ZNF787: variants seen among roughly 807,000 people sequenced by gnomAD.
ZNF787 encodes zinc finger protein 787, also known as TTF-I-interacting peptide 20.
In ZNF787, 7 loss-of-function variants were observed where a neutral mutation model predicts 16.9. The observed-to-expected ratio is 0.42, with a 90% confidence interval of 0.24 to 0.78. ZNF787 has a LOEUF of 0.78. ZNF787 is among the 30% of genes least tolerant of loss of function. The pLI, the probability that ZNF787 is intolerant of heterozygous loss-of-function variation, is 0.30. For missense variants in ZNF787, 551 were observed against 589.3 expected, an observed-to-expected ratio of 0.94 and a Z score of 0.67; for synonymous variants, 345 against 270.9, an observed-to-expected ratio of 1.27 and a Z score of -2.69.
chr19:56,111,629 C>T (rs568243206), intron 1 of ZNF787, among the ~76,000 whole-genome samples: 8 of 152,132 alleles, frequency 5.3e-5, no homozygotes, highest in Admixed American at 1.3e-4. Context: ...AGGGTCTGGT[C>T]GCTCTTCTAA....
rs511530 is a variant in ZNF787, at chr19:56,091,919, C to A, written c.80-2827G>T. 6.2e-3 allele frequency among the ~76,000 whole-genome samples: 873 copies of A among 141,934 alleles called. 5 individuals carry two copies. The highest frequency in any genetic ancestry group is 0.013 in the African/African-American group (467 of 35,392). 93.1% of individuals were successfully genotyped at this position (141,934 alleles called of 152,430 possible). A position where few individuals can be genotyped will look rare whatever the true frequency, so the allele number is the denominator to read the frequency against. On this transcript the variant is annotated intron_variant, in intron 2 of 2. Transcript: ENST00000610935. ...CTTGCCGCAGCCGCAGCCGCAGCCG[C>A]AGCCGAAGCCGAAGCCGAAGCCAAA...
At position 56,103,181 on chromosome 19, in the gene ZNF787, G is replaced by A. The variant is rs1197639925; in HGVS notation, c.37C>T (p.Leu13=). 1.3e-5 allele frequency: 20 copies of A among 1,583,406 alleles called. No homozygotes were observed. Among genetic ancestry groups the A allele is most frequent in the Non-Finnish European group, 1.7e-5 (20 of 1,163,900 alleles). The part of the protein sequence containing the change: ...LREEAWSPGP[L]DSEDQQMASH... ...GCCATCTGCTGGTCCTCAGAATCCA[G>A]CGGCCCCGGAGACCAGGCTTCTTCC... Residue 13 remains leucine, a synonymous_variant, in exon 2 of 3, where the codon CTG becomes TTG. Coordinates refer to ENST00000610935, the MANE Select transcript of ZNF787 (RefSeq NM_001002836.4).
chr19:56,088,097 C>T lies in ZNF787; in HGVS notation c.1075G>A (p.Gly359Arg). Residue 359 changes from glycine to arginine, a missense_variant, in exon 3 of 3, where the codon GGG (glycine) becomes AGG (arginine). Around this residue, in one of 4 missense-constraint regions of ZNF787, gnomAD observed 392 missense variants for 312.7 expected, o/e 1.25. Coordinates refer to ENST00000610935, the MANE Select transcript of ZNF787 (RefSeq NM_001002836.4). This position sits in a 1 kb window ranked among gnomAD's most constrained non-coding sequence, Gnocchi z 8.6. ...TCGTCGTCGTCGTCCTCCTCCTCCC[C>T]GCCCGCGCGGTAGTAGCTCTGTCCG... The part of the protein sequence containing the change: ...SCGQSYYRAG[G>R]EEEDDDDEAA... 11 of 1,521,000 alleles carry T rather than the reference C, an allele frequency of 7.2e-6. No homozygotes were observed. Among genetic ancestry groups the T allele is most frequent in the Non-Finnish European group, 8.8e-6 (10 of 1,142,056 alleles). The allele number at this position is 1,521,000 out of a possible 1,614,324, so 94.2% of individuals were successfully genotyped here.
At chr19:56,099,232 G>A (rs865883964) in intron 2 of ZNF787, among the ~76,000 whole-genome samples, 3 of 152,166 alleles carry the variant, frequency 2.0e-5, no homozygotes, top group Admixed American at 6.5e-5. Context: ...CCCTTCCTCC[G>A]TGAACGAAGC....
rs1261784821 is a variant in ZNF787, at chr19:56,114,773, T to A, written c.-11+6399A>T. On this transcript the variant is annotated intron_variant, in intron 1 of 2. Coordinates refer to ENST00000610935, the MANE Select transcript of ZNF787 (RefSeq NM_001002836.4). ...GGGCACAATGCTCCCTGAGGGCAGG[T>A]GCCAGGGGTGTCCAGCACCTGCTGC... Among the ~76,000 whole-genome samples, 3 of 151,850 alleles carry A rather than the reference T, an allele frequency of 2.0e-5. No individual in the cohort carries two copies. The East Asian group carries it at 5.9e-4, about 30-fold the overall frequency.
intron 1 of ZNF787, among the ~76,000 whole-genome samples, chr19:56,107,232 G>C (rs183197668): frequency 1.3e-5 from 2 of 152,338 alleles, no homozygotes; most frequent in Admixed American, 6.5e-5. Flanking sequence ...TCTCCGTGGG[G>C]AAGGGGAGAA....
At chr19:56,111,663 C>A (rs556134521) in intron 1 of ZNF787, among the ~76,000 whole-genome samples, 79 of 152,194 alleles carry the variant, frequency 5.2e-4, no homozygotes, top group African/African-American at 1.8e-3. Flanking sequence ...AGGAACTCCG[C>A]ACCGTGGCGA....
At chr19:56,093,494 G>A (rs1276920411) in intron 2 of ZNF787, among the ~76,000 whole-genome samples, 3 of 152,126 alleles carry the variant, frequency 2.0e-5, no homozygotes, top group African/African-American at 7.2e-5. Context: ...TTTCTCGGCT[G>A]CATCCCCTCC....
intron 1 of ZNF787, among the ~76,000 whole-genome samples, chr19:56,106,082 A>C: frequency 6.9e-6 from 1 of 145,854 alleles, no homozygotes; most frequent in Admixed American, 6.8e-5. Flanking sequence ...CACGGCAGTC[A>C]CCGCGCATTC....
At chr19:56,092,001 G>GAAGCCA (rs1568523521) in intron 2 of ZNF787, among the ~76,000 whole-genome samples, 9 of 147,736 alleles carry the variant, frequency 6.1e-5, no homozygotes, top group African/African-American at 2.3e-4. Context: ...AAGCCAAACG[G>GAAGCCA]AAGCCAAAGC....
At chr19:56,097,901 G>A (rs1985930668) in intron 2 of ZNF787, among the ~76,000 whole-genome samples, 1 of 152,122 alleles carries the variant, frequency 6.6e-6, no homozygotes, top group Non-Finnish European at 1.5e-5. Flanking sequence ...GGGGTGGGGA[G>A]GTTCAAACCT....
At chr19:56,093,920 T>G (rs921986744) in intron 2 of ZNF787, among the ~76,000 whole-genome samples, 2 of 152,248 alleles carry the variant, frequency 1.3e-5, no homozygotes, top group Admixed American at 1.3e-4. Flanking sequence ...TACTATCCGC[T>G]CTATTCTTTT....
chr19:56,117,682 C>A (rs2123433857), intron 1 of ZNF787, among the ~76,000 whole-genome samples: 1 of 152,372 alleles, frequency 6.6e-6, no homozygotes, highest in African/African-American at 2.4e-5. Context: ...GCAGGGGGAT[C>A]TGTGTCTTAC....
intron 2 of ZNF787, among the ~76,000 whole-genome samples, chr19:56,094,174 C>T (rs1433724116): frequency 1.3e-5 from 2 of 150,662 alleles, no homozygotes; most frequent in East Asian, 3.9e-4. Flanking sequence ...CAGGCATGAG[C>T]CATCATGCCC....
intron 1 of ZNF787, among the ~76,000 whole-genome samples, chr19:56,112,213 CTTG>C (rs2029999793): frequency 6.6e-6 from 1 of 152,182 alleles, no homozygotes; most frequent in Non-Finnish European, 1.5e-5. Flanking sequence ...AGGCCCCCCA[CTTG>C]CTCTCAAGAA....
chr19:56,091,472 G>A (rs554369139), intron 2 of ZNF787, among the ~76,000 whole-genome samples: 1 of 152,278 alleles, frequency 6.6e-6, no homozygotes, highest in African/African-American at 2.4e-5. Context: ...GAGAGGATGT[G>A]GGAGCCATGT....
Position 56,087,752 on chromosome 19 carries a change from C to CTCTCCA in ZNF787, c.*265_*270dup. 2.7e-6 allele frequency: 1 copy of CTCTCCA among 369,504 alleles called. No individual in the cohort carries two copies. Among genetic ancestry groups the CTCTCCA allele is most frequent in the East Asian group, 6.1e-5 (1 of 16,382 alleles). 22.9% of individuals were successfully genotyped at this position (369,504 alleles called of 1,614,324 possible). ...TGGTCGCCACTCGGCCTCTGCAGTT[C>CTCTCCA]TCTCCATTGTCTCTCCGGCTCGCAG... On this transcript the variant is annotated 3_prime_UTR_variant, in exon 3 of 3. Coordinates refer to ENST00000610935, the MANE Select transcript of ZNF787 (RefSeq NM_001002836.4).
At chr19:56,116,687 C>G (rs1369737517) in intron 1 of ZNF787, among the ~76,000 whole-genome samples, 1 of 152,172 alleles carries the variant, frequency 6.6e-6, no homozygotes, top group Non-Finnish European at 1.5e-5. Flanking sequence ...GCTGGGCCAA[C>G]AGGGCAGGCT....
At chr19:56,100,619 G>A (rs1248928918) in intron 2 of ZNF787, among the ~76,000 whole-genome samples, 3 of 152,080 alleles carry the variant, frequency 2.0e-5, no homozygotes, top group Non-Finnish European at 4.4e-5. Context: ...GACCACACAC[G>A]CCATGGCCAG....
Sources: gnomAD v4.1 joint callset for allele counts (sites outside exome capture counted in the v4.1 genomes callset) on GRCh38, gnomAD v4.1.1 for gene constraint, gnomAD v4.1.1 regional missense constraint, Gnocchi (gnomAD v3.1) non-coding constraint, MANE v1.5 for transcripts, NCBI Gene and HGNC (gene_info 2026-07-23, HGNC 2026-07-21) for gene names.